DCHS2: variants seen among roughly 807,000 people sequenced by gnomAD.
DCHS2 encodes the protein dachsous cadherin-related 2.
A neutral mutation model predicts 182.4 loss-of-function variants in DCHS2; 142 were observed. The ratio of observed to expected loss-of-function variants is 0.78; its 90% confidence interval spans 0.68 to 0.89. The LOEUF (loss-of-function observed/expected upper bound fraction) is 0.89, where lower values mean the gene tolerates loss of function less well. Among genes scored for constraint, DCHS2 ranks in the 40% least tolerant of loss-of-function variants. The pLI is 0.00. For missense variants in DCHS2, 4,319 were observed against 4,198.6 expected (o/e 1.03, Z -0.79); for synonymous variants, 1,740 against 1,663.3 (o/e 1.05, Z -1.12).
intron 2 of DCHS2, among the ~76,000 whole-genome samples, chr4:154,366,668 C>T (rs1287556534): frequency 6.6e-6 from 1 of 152,014 alleles, no homozygotes; most frequent in Non-Finnish European, 1.5e-5. Context: ...CACACACACA[C>T]AAACACGTCT....
intron 3 of DCHS2, among the ~76,000 whole-genome samples, chr4:154,344,202 C>T (rs1257162595): frequency 6.6e-6 from 1 of 152,064 alleles, no homozygotes; most frequent in Non-Finnish European, 1.5e-5. Context: ...ATCATCATAA[C>T]AGGTATAATA....
At chr4:154,319,245 A>G (rs1359952458) in intron 9 of DCHS2, among the ~76,000 whole-genome samples, 1 of 152,298 alleles carries the variant, frequency 6.6e-6, no homozygotes, top group East Asian at 1.9e-4. Flanking sequence ...TAAAGGTCCT[A>G]CAAGGAAACA....
chr4:154,435,663 A>G (rs1408514259), intron 1 of DCHS2, among the ~76,000 whole-genome samples: 1 of 152,152 alleles, frequency 6.6e-6, no homozygotes, highest in African/African-American at 2.4e-5. Flanking sequence ...ACCTCTGGCC[A>G]ATAAAAAAAG....
intron 16 of DCHS2, among the ~76,000 whole-genome samples, chr4:154,246,967 A>T (rs1034759265): frequency 1.4e-4 from 21 of 152,172 alleles, no homozygotes; most frequent in African/African-American, 4.8e-4. Context: ...ACAACAAAAC[A>T]AAACTAAAAA....
At chr4:154,416,177 C>T (rs1732824561) in intron 1 of DCHS2, among the ~76,000 whole-genome samples, 4 of 152,134 alleles carry the variant, frequency 2.6e-5, no homozygotes. Flanking sequence ...TCATGATCAG[C>T]TGTCTGAAAG....
At chr4:154,449,401 G>C (rs1420239269) in intron 1 of DCHS2, among the ~76,000 whole-genome samples, 1 of 149,982 alleles carries the variant, frequency 6.7e-6, no homozygotes, top group Non-Finnish European at 1.5e-5. Context: ...TTTAGACAGT[G>C]TTCCTGTCGC....
intron 6 of DCHS2, 24 bp downstream of exon 6, chr4:154,329,499 T>A (rs1343050305): frequency 6.2e-7 from 1 of 1,602,224 alleles, no homozygotes; most frequent in East Asian, 2.2e-5. Context: ...TATTACAAAT[T>A]CATTGCAAGG....
chr4:154,321,322 A>G (rs1363396517), intron 8 of DCHS2, 100 bp from the exon 9 acceptor site: 1 of 1,216,520 alleles, frequency 8.2e-7, no homozygotes, highest in African/African-American at 1.5e-5. Flanking sequence ...CCTTCCATGT[A>G]TGTGATCATA....
At chr4:154,444,928 C>T (rs898937422) in intron 1 of DCHS2, among the ~76,000 whole-genome samples, 12 of 152,242 alleles carry the variant, frequency 7.9e-5, no homozygotes, top group African/African-American at 2.6e-4. Context: ...AGAGTGTTTG[C>T]GCTTTACTTG....
chr4:154,275,058 G>A (rs1733778222), intron 13 of DCHS2, among the ~76,000 whole-genome samples: 1 of 147,304 alleles, frequency 6.8e-6, no homozygotes, highest in Non-Finnish European at 1.5e-5. Context: ...TTTTTTTCTG[G>A]ATATGTAAAA....
In DCHS2 at chr4:154,236,729, G is replaced by C; in HGVS notation, c.7923C>G (p.Gly2641=). The C allele has an allele frequency of 6.2e-7, 1 of 1,613,982 alleles. No individual in the cohort carries two copies. The highest frequency in any genetic ancestry group is 8.5e-7 in the Non-Finnish European group (1 of 1,179,958). The change falls in exon 20 of 20, where the codon GGC becomes GGG. Residue 2641 remains glycine, a synonymous_variant. Coordinates refer to ENST00000357232, the MANE Select transcript of DCHS2 (RefSeq NM_001358235.2). Reference sequence around the variant, plus strand: ...CAGCTGTGGAACTCAATGGAGGGCAGCCACTGTCAGATGCCAGAATGACAA... The same window carrying C: ...CAGCTGTGGAACTCAATGGAGGGCACCCACTGTCAGATGCCAGAATGACAA... ...HELVILASDS[G]CPPLSSTAVI...
rs1295344671 is a variant in DCHS2 at position 154,327,038 on chromosome 4, T to C, written c.4018+1055A>G. Reference sequence around the variant, plus strand: ...TGATACAGCTTTTCATTTCATTCTTTTATGTCCTTCATTAATATTTTATAT... The same window carrying C: ...TGATACAGCTTTTCATTTCATTCTTCTATGTCCTTCATTAATATTTTATAT... On this transcript the variant is annotated intron_variant, in intron 7 of 19. Coordinates refer to ENST00000357232, the MANE Select transcript of DCHS2 (RefSeq NM_001358235.2). 2.6e-5 allele frequency among the ~76,000 whole-genome samples: 4 copies of C among 152,206 alleles called. No individual in the cohort carries two copies. In the East Asian group the frequency reaches 7.7e-4, roughly 29 times the overall value.
chr4:154,255,461 ATGT>A lies in DCHS2; in HGVS notation c.6941+55_6941+57del, dbSNP rs1288314644. On this transcript the variant is annotated intron_variant, in intron 16 of 19. Coordinates refer to ENST00000357232, the MANE Select transcript of DCHS2 (RefSeq NM_001358235.2). ...ACAGGAAGTTATGAACAAAACAGCA[ATGT>A]TGTCAGTAAGCAGGCAGAATAAATG... is the stretch of plus-strand genomic sequence containing the variant. 20 of 1,553,874 alleles carry A rather than the reference ATGT, an allele frequency of 1.3e-5. No individual in the cohort carries two copies. The East Asian group carries it at 4.6e-4, about 36-fold the overall frequency.
At position 154,491,627 on chromosome 4, in the gene DCHS2, C is replaced by G; in HGVS notation, c.-272G>C. ...CTGGATTTCTTTAAACGAATCTCAT[C>G]TCTTTTTCTCTCTCCTTTTATTCCC... is the stretch of plus-strand genomic sequence containing the variant. On this transcript the variant is annotated 5_prime_UTR_variant, in exon 1 of 20. Transcript: ENST00000357232. 4 of 1,313,994 alleles carry G rather than the reference C, an allele frequency of 3.0e-6. No homozygotes were observed. Among genetic ancestry groups the G allele is most frequent in the South Asian group, 5.0e-5 (2 of 39,988 alleles). 81.4% of individuals were successfully genotyped at this position (1,313,994 alleles called of 1,614,324 possible).
At position 154,305,122 on chromosome 4, in the gene DCHS2, T is replaced by C. The variant is rs1162698821; in HGVS notation, c.5370A>G (p.Glu1790=). The C allele has an allele frequency of 6.2e-7, 1 of 1,610,630 alleles. No homozygotes were observed. The highest frequency in any genetic ancestry group is 1.7e-5 in the Admixed American group (1 of 59,708). The part of the protein sequence containing the change: ...EVVTTTILDR[E]IQEVFTLRVL... ...CTCGAAGGGTGAAGACTTCTTGAAT[T>C]TCTCTGTCAAGTATGGTGGTTGTCA... Residue 1790 remains glutamate, a synonymous_variant, in exon 11 of 20, where the codon GAA becomes GAG. Coordinates refer to ENST00000357232, the MANE Select transcript of DCHS2 (RefSeq NM_001358235.2).
At chr4:154,468,412 AT>A (rs1360322231) in intron 1 of DCHS2, among the ~76,000 whole-genome samples, 5 of 152,050 alleles carry the variant, frequency 3.3e-5, no homozygotes, top group Non-Finnish European at 5.9e-5. Context: ...CCAATGCAGA[AT>A]TTTCTCCTCA....
intron 1 of DCHS2, among the ~76,000 whole-genome samples, chr4:154,454,852 T>C (rs1734699580): frequency 6.6e-6 from 1 of 152,220 alleles, no homozygotes; most frequent in Admixed American, 6.5e-5. Flanking sequence ...GCTAACCCTG[T>C]GACCTGGATC....
intron 1 of DCHS2, among the ~76,000 whole-genome samples, chr4:154,467,984 G>A (rs890156181): frequency 3.9e-5 from 6 of 152,032 alleles, no homozygotes; most frequent in Non-Finnish European, 8.8e-5. Flanking sequence ...AATCTGGCAG[G>A]TACACATTTA....
chr4:154,302,977 ACACATAT>A (rs1317096072), intron 12 of DCHS2, among the ~76,000 whole-genome samples: 4 of 109,138 alleles, frequency 3.7e-5, no homozygotes, highest in African/African-American at 4.5e-5. Flanking sequence ...ACCCACACAC[ACACATAT>A]TTTTTTTTTT....
Sources: allele counts gnomAD v4.1 joint callset (sites outside exome capture counted in the v4.1 genomes callset), GRCh38; gene constraint gnomAD v4.1.1; transcripts MANE v1.5; gene names NCBI Gene and HGNC (gene_info 2026-07-23, HGNC 2026-07-21).